PTPRD: variants seen among roughly 807,000 people sequenced by gnomAD.
PTPRD encodes the protein protein tyrosine phosphatase receptor type D.
A neutral mutation model predicts 214.5 loss-of-function variants in PTPRD; 34 were observed. That is an observed-to-expected ratio of 0.16 (90% CI 0.12 to 0.21). PTPRD has a LOEUF of 0.21. Among genes scored for constraint, PTPRD ranks in the 10% least tolerant of loss-of-function variants. The pLI is 1.00. For missense variants in PTPRD, 2,545 were observed against 2,398.7 expected (o/e 1.06, Z -1.27); for synonymous variants, 1,128 against 845.7 (o/e 1.33, Z -5.79).
intron 6 of PTPRD, among the ~76,000 whole-genome samples, chr9:9,752,214 T>C (rs914224141): frequency 1.3e-5 from 2 of 152,064 alleles, no homozygotes; most frequent in African/African-American, 4.8e-5. Context: ...ATTTAAAGTA[T>C]CTATGCCATT....
chr9:10,572,490 G>A (rs1407972553), intron 2 of PTPRD, among the ~76,000 whole-genome samples: 2 of 152,162 alleles, frequency 1.3e-5, no homozygotes, highest in Non-Finnish European at 2.9e-5. Context: ...ATGAGGTAAA[G>A]TGGGACAAAG....
chr9:9,817,464 G>A (rs1015824973), intron 5 of PTPRD, among the ~76,000 whole-genome samples: 1 of 152,034 alleles, frequency 6.6e-6, no homozygotes, highest in African/African-American at 2.4e-5. Context: ...TTTCCACTTT[G>A]ACTAACTACT....
chr9:10,289,936 G>GCGGTA (rs770026081), intron 3 of PTPRD, among the ~76,000 whole-genome samples: 46 of 152,060 alleles, frequency 3.0e-4, no homozygotes, highest in Admixed American at 5.9e-4. Context: ...AGGGTAAAAA[G>GCGGTA]GGTTATAGTT....
intron 9 of PTPRD, among the ~76,000 whole-genome samples, chr9:9,372,548 G>T (rs1596549746): frequency 6.6e-6 from 1 of 152,026 alleles, no homozygotes; most frequent in Admixed American, 6.6e-5. Flanking sequence ...GCACACTGAT[G>T]GGTCTTGACT....
At chr9:9,099,147 T>C (rs1330754383) in intron 10 of PTPRD, among the ~76,000 whole-genome samples, 1 of 152,150 alleles carries the variant, frequency 6.6e-6, no homozygotes, top group Non-Finnish European at 1.5e-5. Flanking sequence ...AAAAAGACAA[T>C]ACAGTGGTAA....
At chr9:10,483,298 G>A (rs371877464) in intron 2 of PTPRD, among the ~76,000 whole-genome samples, 1 of 151,964 alleles carries the variant, frequency 6.6e-6, no homozygotes, top group Non-Finnish European at 1.5e-5. Flanking sequence ...ATGGATTAAA[G>A]ACTTAAATCT....
intron 9 of PTPRD, among the ~76,000 whole-genome samples, chr9:9,335,982 G>T (rs2044292636): frequency 6.6e-6 from 1 of 151,570 alleles, no homozygotes; most frequent in Non-Finnish European, 1.5e-5. Context: ...AAAAAAGAAA[G>T]AAAGAAATCT....
intron 7 of PTPRD, among the ~76,000 whole-genome samples, chr9:9,637,628 T>A (rs919632692): frequency 6.6e-6 from 1 of 152,218 alleles, no homozygotes; most frequent in Non-Finnish European, 1.5e-5. Context: ...ATGCTTTAGC[T>A]CTCATACATT....
chr9:8,486,098 T>C lies in PTPRD; in HGVS notation c.2719A>G (p.Met907Val), dbSNP rs1050051650. 2 of 1,614,172 alleles carry C rather than the reference T, an allele frequency of 1.2e-6. No individual in the cohort carries two copies. The highest frequency in any genetic ancestry group is 2.2e-5 in the East Asian group (1 of 44,872). ...ARNKVGFGEE[M>V]VKEISIPEEV... ...TCTGGAATGGAAATCTCCTTCACCA[T>C]CTCCTCCCCAAAGCCCACTTTGTTT... The change falls in exon 28 of 46, where the codon ATG (methionine) becomes GTG (valine). Residue 907 changes from methionine to valine, a missense_variant. Coordinates refer to ENST00000381196, the MANE Select transcript of PTPRD (RefSeq NM_002839.4).
At chr9:10,283,025 G>A (rs2095204439) in intron 3 of PTPRD, among the ~76,000 whole-genome samples, 1 of 151,698 alleles carries the variant, frequency 6.6e-6, no homozygotes, top group Non-Finnish European at 1.5e-5. Flanking sequence ...TTTCTGTTAA[G>A]AAAACCTCCA....
intron 8 of PTPRD, among the ~76,000 whole-genome samples, chr9:9,529,211 C>T (rs1382972380): frequency 6.7e-6 from 1 of 149,898 alleles, no homozygotes; most frequent in African/African-American, 2.5e-5. Context: ...GAATTACAGG[C>T]GTGAGCCACC....
At chr9:8,618,896 G>C (rs1387485833) in intron 14 of PTPRD, among the ~76,000 whole-genome samples, 1 of 122,830 alleles carries the variant, frequency 8.1e-6, no homozygotes, top group Non-Finnish European at 1.7e-5. Flanking sequence ...GTGTGTGTGT[G>C]TTTGTCTGTG....
chr9:9,363,111 C>CTTTTTTTTTTTTTTTTTTTTTTT (rs3048061), intron 9 of PTPRD, among the ~76,000 whole-genome samples: 2 of 129,862 alleles, frequency 1.5e-5, no homozygotes, highest in Non-Finnish European at 1.7e-5. Context: ...CTATTTTGTG[C>CTTTTTTTTTTTTTTTTTTTTTTT]TTTTTTTTTT....
intron 12 of PTPRD, among the ~76,000 whole-genome samples, chr9:8,724,360 G>A (rs1166250001): frequency 2.0e-5 from 3 of 152,106 alleles, no homozygotes; most frequent in Admixed American, 2.0e-4. Flanking sequence ...TTTAAAAAAT[G>A]TTTAAGTGTC....
intron 5 of PTPRD, among the ~76,000 whole-genome samples, chr9:9,801,171 T>G (rs1483695839): frequency 6.6e-6 from 1 of 152,116 alleles, no homozygotes; most frequent in African/African-American, 2.4e-5. Context: ...GTCTTTTTAG[T>G]GACAAATATA....
chr9:8,987,557 CATGAT>C, intron 11 of PTPRD, among the ~76,000 whole-genome samples: 1 of 152,188 alleles, frequency 6.6e-6, no homozygotes, highest in Non-Finnish European at 1.5e-5. Flanking sequence ...TTTTTGATCA[CATGAT>C]ATGTGCCAGG....
chr9:9,302,859 C>T (rs1955919330), intron 9 of PTPRD, among the ~76,000 whole-genome samples: 1 of 151,818 alleles, frequency 6.6e-6, no homozygotes, highest in Non-Finnish European at 1.5e-5. Flanking sequence ...CGTAGTTTCT[C>T]ATAGCAGTGT....
intron 8 of PTPRD, among the ~76,000 whole-genome samples, chr9:9,469,059 T>C (rs1397092643): frequency 6.6e-6 from 1 of 152,152 alleles, no homozygotes; most frequent in East Asian, 1.9e-4. Flanking sequence ...CATAAAGCAC[T>C]TGAAATGTTT....
intron 14 of PTPRD, among the ~76,000 whole-genome samples, chr9:8,567,643 T>G (rs534202380): frequency 3.9e-5 from 6 of 152,344 alleles, no homozygotes; most frequent in African/African-American, 1.4e-4. Flanking sequence ...TAATCTCCTA[T>G]TCTAGACTGT....
Sources: gnomAD v4.1 joint callset for allele counts (sites outside exome capture counted in the v4.1 genomes callset) on GRCh38, gnomAD v4.1.1 for gene constraint, MANE v1.5 for transcripts, NCBI Gene and HGNC (gene_info 2026-07-23, HGNC 2026-07-21) for gene names.